The following ZNF778 variants were observed in gnomAD, a reference collection of about 807,000 sequenced individuals.
ZNF778 encodes the protein zinc finger protein 778.
ZNF778 carries 37 observed loss-of-function variants against 23.9 expected under a neutral mutation model. The observed-to-expected ratio is 1.54, with a 90% CI of 1.19 to 2.03. ZNF778 has a LOEUF of 2.03. Ranked by LOEUF, ZNF778 falls within the 30% of genes most tolerant of loss-of-function variation. The probability of loss-of-function intolerance (pLI) is 0.00; values close to 1 mark genes in which losing one functional copy is unlikely to be tolerated. For synonymous variants in ZNF778, 483 were observed against 343.9 expected, an observed-to-expected ratio of 1.40 and a Z score of -4.48; for missense variants, 1,297 against 934.4, an observed-to-expected ratio of 1.39 and a Z score of -5.06.
rs372416246 is a variant in ZNF778, at chr16:89,226,727, C to T, written c.439C>T (p.Arg147Cys). The change falls in exon 7 of 7, where the codon CGC becomes TGC. Residue 147 changes from arginine (R) to cysteine (C), a missense_variant. Coordinates refer to ENST00000433976, the MANE Select transcript of ZNF778 (RefSeq NM_001201407.2). ...CCACAATGGAGGGCAGCTCTGTGAC[C>T]GCACGCAGTGTGGAGAAGCTTTCAG... ...RSHNGGQLCDRTQCGEAFSEH... is the reference protein window; with the variant it reads ...RSHNGGQLCDCTQCGEAFSEH... The T allele has an allele frequency of 4.0e-5, 64 of 1,613,286 alleles. No homozygotes were observed. The highest frequency in any genetic ancestry group is 1.9e-4 in the African/African-American group (14 of 74,890).
rs2031902810 is a variant in ZNF778, at chr16:89,231,110, T to C, written c.*2548T>C. The C allele has an allele frequency of 6.6e-6, 1 of 152,290 alleles. No homozygotes were observed. Among genetic ancestry groups the C allele is most frequent in the Admixed American group, 6.5e-5 (1 of 15,272 alleles). The allele number at this position is 152,290 out of a possible 1,614,324, so 9.4% of individuals were successfully genotyped here. On this transcript the variant is annotated 3_prime_UTR_variant, in exon 7 of 7. Coordinates refer to ENST00000433976, the MANE Select transcript of ZNF778 (RefSeq NM_001201407.2). Reference sequence around the variant, plus strand: ...GTGGAGAGGAGTGGGTTGTGCCATGTTTCTCTTGTGGGATTGAGTGTGGCT... The same window carrying C: ...GTGGAGAGGAGTGGGTTGTGCCATGCTTCTCTTGTGGGATTGAGTGTGGCT...
At position 89,217,760 on chromosome 16, in the gene ZNF778, C is replaced by G. The variant is rs1009783761; in HGVS notation, c.-282C>G. The stretch of plus-strand genomic sequence containing the variant: ...TGCGTGCTGGCGCCGGAGAGTTCCG[C>G]GCGTGTCCTCGGGCTGTCCGCGGGG... On this transcript the variant is annotated 5_prime_UTR_variant, in exon 1 of 7. Transcript: ENST00000433976. 1 of 152,214 alleles carries G rather than the reference C, an allele frequency of 6.6e-6. No homozygotes were observed. The highest frequency in any genetic ancestry group is 1.5e-5 in the Non-Finnish European group (1 of 68,030). 9.4% of individuals were successfully genotyped at this position (152,214 alleles called of 1,614,324 possible). A position where few individuals can be genotyped will look rare whatever the true frequency, so the allele number is the denominator to read the frequency against.
rs2031981291 is a variant in ZNF778 at position 89,232,563 on chromosome 16, G to A, written c.*4001G>A. 2 of 1,124,840 alleles carry A rather than the reference G, an allele frequency of 1.8e-6. No homozygotes were observed. The highest frequency in any genetic ancestry group is 1.1e-6 in the Non-Finnish European group (1 of 884,494). The allele number at this position is 1,124,840 out of a possible 1,614,324, so 69.7% of individuals were successfully genotyped here. ...CACTTAGGGCAACTTATGCCCTCCT[G>A]TGTGAAAATCTCCACTCCCAATGTC... On this transcript the variant is annotated 3_prime_UTR_variant, in exon 7 of 7. Coordinates refer to ENST00000433976, the MANE Select transcript of ZNF778 (RefSeq NM_001201407.2).
intron 4 of ZNF778, among the ~76,000 whole-genome samples, chr16:89,224,372 A>G (rs551038941): frequency 1.1e-4 from 16 of 152,332 alleles, no homozygotes; most frequent in Non-Finnish European, 2.2e-4. Flanking sequence ...TAATCCTAGC[A>G]CTTTTGAGAG....
intron 1 of ZNF778, 89 bp downstream of exon 1, chr16:89,217,999 T>G (rs1422043890): frequency 7.9e-5 from 12 of 152,280 alleles, no homozygotes; most frequent in African/African-American, 2.7e-4. Context: ...TTTATTTGTT[T>G]CTGGCACATT....
In ZNF778 at chr16:89,229,600, TGAG is replaced by T. The variant is rs1178649264; in HGVS notation, c.*1041_*1043del. The T allele has an allele frequency of 9.1e-6, 9 of 983,986 alleles. No homozygotes were observed. Among genetic ancestry groups the T allele is most frequent in the Non-Finnish European group, 1.1e-5 (9 of 829,830 alleles). The allele number at this position is 983,986 out of a possible 1,614,324, so 61.0% of individuals were successfully genotyped here. Reference sequence around the variant, plus strand: ...AGCGTAGGCTCTGGTTGGTTAGTCTTGAGGATCCAGATGTGATTCTGTGAGCAG... The same window carrying T: ...AGCGTAGGCTCTGGTTGGTTAGTCTTGATCCAGATGTGATTCTGTGAGCAG... On this transcript the variant is annotated 3_prime_UTR_variant, in exon 7 of 7. Coordinates refer to ENST00000433976, the MANE Select transcript of ZNF778 (RefSeq NM_001201407.2).
chr16:89,232,563 G>C lies in ZNF778; in HGVS notation c.*4001G>C. The C allele has an allele frequency of 8.9e-7, 1 of 1,124,958 alleles. No homozygotes were observed. Among genetic ancestry groups the C allele is most frequent in the South Asian group, 1.6e-5 (1 of 62,012 alleles). The allele number at this position is 1,124,958 out of a possible 1,614,324, so 69.7% of individuals were successfully genotyped here. On this transcript the variant is annotated 3_prime_UTR_variant, in exon 7 of 7. Coordinates refer to ENST00000433976, the MANE Select transcript of ZNF778 (RefSeq NM_001201407.2). ...CACTTAGGGCAACTTATGCCCTCCT[G>C]TGTGAAAATCTCCACTCCCAATGTC...
Position 89,230,565 on chromosome 16 carries a change from A to C in ZNF778, c.*2003A>C, listed in dbSNP as rs753980707. 2.6e-5 allele frequency: 4 copies of C among 152,244 alleles called. No homozygotes were observed. The highest frequency in any genetic ancestry group is 4.4e-5 in the Non-Finnish European group (3 of 68,064). 9.4% of individuals were successfully genotyped at this position (152,244 alleles called of 1,614,324 possible). On this transcript the variant is annotated 3_prime_UTR_variant, in exon 7 of 7. Coordinates refer to ENST00000433976, the MANE Select transcript of ZNF778 (RefSeq NM_001201407.2). ...GCTCCTTTGTGTACCATGAAAACAG[A>C]CCAGGGACACGGCTGGTCCTGATGT... is the stretch of plus-strand genomic sequence containing the variant.
rs1370453578 is a variant in ZNF778, at chr16:89,233,894, A to C, written c.*5332A>C. The C allele has an allele frequency of 7.8e-7, 1 of 1,289,610 alleles. No homozygotes were observed. The highest frequency in any genetic ancestry group is 1.2e-5 in the South Asian group (1 of 81,040). The allele number at this position is 1,289,610 out of a possible 1,614,324, so 79.9% of individuals were successfully genotyped here. A position where few individuals can be genotyped will look rare whatever the true frequency, so the allele number is the denominator to read the frequency against. On this transcript the variant is annotated 3_prime_UTR_variant, in exon 7 of 7. Coordinates refer to ENST00000433976, the MANE Select transcript of ZNF778 (RefSeq NM_001201407.2). ...CCAAGCCAGTATTTCTCCTCCCTGAAGTCAGCCCAGGATGAGGCACTAGAC... is the reference window on the plus strand; with the variant it reads ...CCAAGCCAGTATTTCTCCTCCCTGACGTCAGCCCAGGATGAGGCACTAGAC...
rs1459655763 is a variant in ZNF778 at position 89,236,742 on chromosome 16, G to A, written c.*8180G>A. 1 of 152,172 alleles carries A rather than the reference G, an allele frequency of 6.6e-6. No homozygotes were observed. Among genetic ancestry groups the A allele is most frequent in the East Asian group, 1.9e-4 (1 of 5,196 alleles). 9.4% of individuals were successfully genotyped at this position (152,172 alleles called of 1,614,324 possible). ...TCAGTGGCAAAATACCATTCCAGAA[G>A]GACTGGAAAAGCTAAGTCTGTATAT... On this transcript the variant is annotated 3_prime_UTR_variant, in exon 7 of 7. Transcript: ENST00000433976.
At chr16:89,226,036 C>A (rs2151634442) in intron 6 of ZNF778, among the ~76,000 whole-genome samples, 1 of 152,156 alleles carries the variant, frequency 6.6e-6, no homozygotes, top group South Asian at 2.1e-4. Context: ...CTCAGCCTCC[C>A]AAGTAGCTGG....
rs766579054 is a variant in ZNF778, at chr16:89,228,607, A to G, written c.*45A>G. The G allele has an allele frequency of 2.0e-6, 3 of 1,525,420 alleles. No individual in the cohort carries two copies. The highest frequency in any genetic ancestry group is 2.2e-5 in the Admixed American group (1 of 44,596). 94.5% of individuals were successfully genotyped at this position (1,525,420 alleles called of 1,614,324 possible). On this transcript the variant is annotated 3_prime_UTR_variant, in exon 7 of 7. Transcript: ENST00000433976. ...CTGTCAGCTACACTCATTCACGTTG[A>G]AGACATGAAAGACCTCTCGTTCTCC...
Position 89,227,949 on chromosome 16 carries a change from C to T in ZNF778, c.1661C>T (p.Thr554Ile). The T allele has an allele frequency of 6.3e-7, 1 of 1,590,058 alleles. No homozygotes were observed. The highest frequency in any genetic ancestry group is 8.6e-7 in the Non-Finnish European group (1 of 1,165,224). Reference protein sequence around the residue: ...RVYLLNEHVKTHTEEKPFICT... With the variant: ...RVYLLNEHVKIHTEEKPFICT... The stretch of plus-strand genomic sequence containing the variant: ...TATCTACTGAATGAGCATGTGAAAA[C>T]TCACACAGAGGAGAAGCCCTTTATA... Residue 554 changes from threonine to isoleucine, a missense_variant, in exon 7 of 7, where the codon ACT becomes ATT. Thr to Ile is a moderately conservative substitution (Grantham distance 89). Coordinates refer to ENST00000433976, the MANE Select transcript of ZNF778 (RefSeq NM_001201407.2).
chr16:89,222,071 C>T (rs1357904609), intron 2 of ZNF778, 21 bp from the exon 3 acceptor site: 1 of 1,568,826 alleles, frequency 6.4e-7, no homozygotes, highest in Non-Finnish European at 8.7e-7. Flanking sequence ...CTCATGCCTT[C>T]TTGCCTTCTT....
At position 89,236,942 on chromosome 16, in the gene ZNF778, G is replaced by A. The variant is rs181822883; in HGVS notation, c.*8380G>A. 3.7e-3 allele frequency: 569 copies of A among 152,164 alleles called. 2 individuals are homozygous for A. The highest frequency in any genetic ancestry group is 0.01 in the Middle Eastern group (3 of 294). The allele number at this position is 152,164 out of a possible 1,614,324, so 9.4% of individuals were successfully genotyped here. ...ACAAAAATTAGCTGTGTGTGGTTGG[G>A]GGCACCTGTAATCTCAGCTTCTCAG... On this transcript the variant is annotated 3_prime_UTR_variant, in exon 7 of 7. Coordinates refer to ENST00000433976, the MANE Select transcript of ZNF778 (RefSeq NM_001201407.2).
rs142651945 is a variant in ZNF778, at chr16:89,219,478, A to G, written c.-131-1519A>G. ...TTCAGCCTTAGTCACCTCATGTCCC[A>G]TGTTAGCTGTTCCTTCTCTACTCTG... On this transcript the variant is annotated intron_variant, in intron 1 of 6. Transcript: ENST00000433976. Among the ~76,000 whole-genome samples, 5 of 152,342 alleles carry G rather than the reference A, an allele frequency of 3.3e-5. No homozygotes were observed. The East Asian group carries it at 7.7e-4, about 24-fold the overall frequency.
intron 5 of ZNF778, 67 bp from the exon 6 acceptor site, chr16:89,225,488 C>A: frequency 1.6e-6 from 2 of 1,285,598 alleles, no homozygotes; most frequent in Non-Finnish European, 2.2e-6. Context: ...TTTTTTCTGC[C>A]ATGTCTTATA....
In ZNF778 at chr16:89,232,432, C is replaced by G; in HGVS notation, c.*3870C>G. 1 of 346,924 alleles carries G rather than the reference C, an allele frequency of 2.9e-6. No homozygotes were observed. The highest frequency in any genetic ancestry group is 5.4e-6 in the Non-Finnish European group (1 of 185,418). The allele number at this position is 346,924 out of a possible 1,614,324, so 21.5% of individuals were successfully genotyped here. On this transcript the variant is annotated 3_prime_UTR_variant, in exon 7 of 7. Coordinates refer to ENST00000433976, the MANE Select transcript of ZNF778 (RefSeq NM_001201407.2). The stretch of plus-strand genomic sequence containing the variant: ...TCAGATATGTAGCAACACAGACAGA[C>G]TAAGACACCAAGCATGATGGAAAAC...
intron 5 of ZNF778, 129 bp downstream of exon 5, chr16:89,224,931 G>C (rs2031331921): frequency 1.5e-6 from 1 of 675,716 alleles, no homozygotes; most frequent in Non-Finnish European, 2.6e-6. Context: ...TGAGTGTCGA[G>C]TTTAGCGGCT....
Sources: gnomAD v4.1 joint callset for allele counts (sites outside exome capture counted in the v4.1 genomes callset) on GRCh38, gnomAD v4.1.1 for gene constraint, MANE v1.5 for transcripts, NCBI Gene and HGNC (gene_info 2026-07-23, HGNC 2026-07-21) for gene names.